The following ARHGAP6 variants were observed in gnomAD, a reference collection of about 807,000 sequenced individuals.
ARHGAP6 encodes rho GTPase-activating protein 6.
ARHGAP6 carries 16 observed loss-of-function variants against 55.7 expected under a neutral mutation model. That is an observed-to-expected ratio of 0.29 (90% CI 0.19 to 0.44). The LOEUF (loss-of-function observed/expected upper bound fraction) is 0.44, where lower values mean the gene tolerates loss of function less well. ARHGAP6 is among the 20% of genes least tolerant of loss of function. The pLI, the probability that ARHGAP6 is intolerant of heterozygous loss-of-function variation, is 1.00. For missense variants in ARHGAP6, 698 were observed against 808.9 expected, an observed-to-expected ratio of 0.86 and a Z score of 1.66; for synonymous variants, 382 against 360.9, an observed-to-expected ratio of 1.06 and a Z score of -0.66.
chrX:11,370,207 C>T (rs1396598335), intron 1 of ARHGAP6, among the ~76,000 whole-genome samples: 1 of 112,214 alleles, frequency 8.9e-6, no homozygotes, highest in Non-Finnish European at 1.9e-5. Context: ...TAAACTTTGC[C>T]TTCTCTTTTT....
intron 1 of ARHGAP6, among the ~76,000 whole-genome samples, chrX:11,463,049 G>C (rs1335952741): frequency 8.9e-6 from 1 of 112,187 alleles, no homozygotes; most frequent in Admixed American, 9.4e-5. Flanking sequence ...TTCCTTTTAG[G>C]TGTCTCCCAT....
chrX:11,294,457 C>A (rs758774073), intron 1 of ARHGAP6, among the ~76,000 whole-genome samples: 5 of 111,841 alleles, frequency 4.5e-5, no homozygotes, highest in African/African-American at 1.3e-4. Context: ...ATTATAAATA[C>A]AATTTAGCTT....
intron 1 of ARHGAP6, among the ~76,000 whole-genome samples, chrX:11,268,496 G>A (rs1016776592): frequency 1.8e-5 from 2 of 112,104 alleles, no homozygotes; most frequent in African/African-American, 6.5e-5. Context: ...ATGGCGCACA[G>A]TGAGGAAAAC....
At chrX:11,464,266 A>G (rs996298658) in intron 1 of ARHGAP6, among the ~76,000 whole-genome samples, 2 of 112,214 alleles carry the variant, frequency 1.8e-5, no homozygotes, top group African/African-American at 6.5e-5. Flanking sequence ...ATTATTTAAT[A>G]TTTTATTTTA....
intron 1 of ARHGAP6, among the ~76,000 whole-genome samples, chrX:11,491,771 TC>T (rs36167323): frequency 6.1e-4 from 67 of 110,551 alleles, no homozygotes; most frequent in African/African-American, 2.2e-3. Flanking sequence ...TAGTTCTAGA[TC>T]CCTGAGGAAT....
rs563570811 is a variant in ARHGAP6 at position 11,173,406 on chromosome X, C to T, written c.1630-3722G>A. Reference sequence around the variant, plus strand: ...CCCTTTGAGAACTCAATGCCAGCTACGGACTCTCACCAAACAAGTGCATAT... The same window carrying T: ...CCCTTTGAGAACTCAATGCCAGCTATGGACTCTCACCAAACAAGTGCATAT... On this transcript the variant is annotated intron_variant, in intron 8 of 12. Transcript: ENST00000337414. Among the ~76,000 whole-genome samples the T allele has an allele frequency of 5.5e-4, 61 of 111,926 alleles. No individual in the cohort carries two copies. The South Asian group carries it at 0.022, about 41-fold the overall frequency.
intron 1 of ARHGAP6, among the ~76,000 whole-genome samples, chrX:11,403,191 T>C (rs1191716790): frequency 9.0e-6 from 1 of 111,659 alleles, no homozygotes; most frequent in East Asian, 2.8e-4. Flanking sequence ...TGAGAAAAGT[T>C]CAGCAATCTT....
At position 11,511,337 on chromosome X, in the gene ARHGAP6, T is replaced by C. The variant is rs755633510; in HGVS notation, c.588+152904A>G. 1.2e-4 allele frequency among the ~76,000 whole-genome samples: 14 copies of C among 112,172 alleles called. No homozygotes were observed. The South Asian group carries it at 4.9e-3, about 39-fold the overall frequency. On this transcript the variant is annotated intron_variant, in intron 1 of 12. Transcript: ENST00000337414. ...GCAATGCTTGCTACTCCAGAAGAAA[T>C]GGCACTTGCCTCCTTACCTTGCATT...
At chrX:11,545,387 G>A (rs111753589) in intron 1 of ARHGAP6, among the ~76,000 whole-genome samples, 2,174 of 111,968 alleles carry the variant, frequency 0.019, 30 homozygotes, top group Middle Eastern at 0.065. Flanking sequence ...CATTCAGGTA[G>A]CTGTCTAGTT....
In ARHGAP6 at chrX:11,397,475, A is replaced by G. The variant is rs1457144731; in HGVS notation, c.589-142768T>C. 2.7e-5 allele frequency among the ~76,000 whole-genome samples: 3 copies of G among 111,533 alleles called. No individual in the cohort carries two copies. The Admixed American group carries it at 2.9e-4, about 11-fold the overall frequency. On this transcript the variant is annotated intron_variant, in intron 1 of 12. Coordinates refer to ENST00000337414, the MANE Select transcript of ARHGAP6 (RefSeq NM_013427.3). ...TGTAATATAATATATATTATCTATA[A>G]TGTATAATGTATGGTATAGATAATC...
At chrX:11,579,052 G>A (rs1225628089) in intron 1 of ARHGAP6, among the ~76,000 whole-genome samples, 6 of 102,317 alleles carry the variant, frequency 5.9e-5, no homozygotes, top group Admixed American at 2.2e-4. Flanking sequence ...ATGGGGGGAT[G>A]GGGGAGGGAT....
intron 10 of ARHGAP6, among the ~76,000 whole-genome samples, chrX:11,155,982 G>C (rs1239460991): frequency 8.9e-6 from 1 of 112,536 alleles, no homozygotes; most frequent in Non-Finnish European, 1.9e-5. Flanking sequence ...GCAAACATGA[G>C]TGCATGTAGA....
intron 1 of ARHGAP6, among the ~76,000 whole-genome samples, chrX:11,348,252 T>C (rs983765779): frequency 8.9e-5 from 10 of 112,458 alleles, no homozygotes; most frequent in African/African-American, 3.2e-4. Context: ...CACATGCATT[T>C]TCCCATAGAA....
chrX:11,634,312 T>C (rs2052394231), intron 1 of ARHGAP6, among the ~76,000 whole-genome samples: 1 of 111,992 alleles, frequency 8.9e-6, no homozygotes, highest in African/African-American at 3.2e-5. Context: ...AGAGATACTC[T>C]TTCTCAAGTT....
chrX:11,160,104 C>G (rs1325675045), intron 9 of ARHGAP6, among the ~76,000 whole-genome samples: 2 of 110,635 alleles, frequency 1.8e-5, no homozygotes, highest in Non-Finnish European at 3.8e-5. Flanking sequence ...AAAGTACTTG[C>G]ATTTTCATCC....
intron 1 of ARHGAP6, among the ~76,000 whole-genome samples, chrX:11,615,025 C>G (rs1389273631): frequency 9.0e-6 from 1 of 110,822 alleles, no homozygotes; most frequent in Non-Finnish European, 1.9e-5. Context: ...GGACCCATTC[C>G]CAGTTGCTAA....
At chrX:11,469,675 G>A (rs1267328685) in intron 1 of ARHGAP6, among the ~76,000 whole-genome samples, 1 of 111,771 alleles carries the variant, frequency 8.9e-6, no homozygotes, top group Non-Finnish European at 1.9e-5. Context: ...CCAAGGGTGG[G>A]AGGATGTAAA....
chrX:11,394,877 T>C (rs1175977761), intron 1 of ARHGAP6, among the ~76,000 whole-genome samples: 1 of 111,758 alleles, frequency 8.9e-6, no homozygotes, highest in Non-Finnish European at 1.9e-5. Context: ...CAGGATTGGC[T>C]ACATAATTTA....
intron 2 of ARHGAP6, chrX:11,223,209 A>T: frequency 6.0e-6 from 1 of 167,623 alleles, no homozygotes; most frequent in Non-Finnish European, 1.2e-5. Flanking sequence ...AAGCGTTGCA[A>T]AAGCTTGCAA....
Sources: gnomAD v4.1 joint callset for allele counts (sites outside exome capture counted in the v4.1 genomes callset) on GRCh38, gnomAD v4.1.1 for gene constraint, MANE v1.5 for transcripts, NCBI Gene and HGNC (gene_info 2026-07-23, HGNC 2026-07-21) for gene names.